ENOX1: variants seen among roughly 807,000 people sequenced by gnomAD.
ENOX1 encodes ecto-NOX disulfide-thiol exchanger 1.
ENOX1 carries 42 observed loss-of-function variants against 82.5 expected under a neutral mutation model. The ratio of observed to expected loss-of-function variants is 0.51; its 90% CI spans 0.40 to 0.66. The LOEUF is 0.66. Among genes scored for constraint, ENOX1 ranks in the 30% least tolerant of loss-of-function variants. The pLI is 0.00. For missense variants in ENOX1, 608 were observed against 811.6 expected (o/e 0.75, Z 3.05); for synonymous variants, 271 against 282.2 (o/e 0.96, Z 0.40).
chr13:43,371,098 C>G (rs187189610), intron 5 of ENOX1, among the ~76,000 whole-genome samples: 1 of 152,150 alleles, frequency 6.6e-6, no homozygotes, highest in Admixed American at 6.5e-5. Context: ...TCTTTCTGTA[C>G]GATGTTATGT....
chr13:43,612,970 A>C (rs1337969233), intron 2 of ENOX1, among the ~76,000 whole-genome samples: 1 of 152,170 alleles, frequency 6.6e-6, no homozygotes, highest in Non-Finnish European at 1.5e-5. Context: ...AACTGATCAA[A>C]AAATTTGATA....
rs745380845 is a variant in ENOX1 at position 43,344,785 on chromosome 13, C to T, written c.824-35G>A. The T allele has an allele frequency of 4.3e-5, 69 of 1,586,886 alleles. 1 individual carries two copies. The highest frequency in any genetic ancestry group is 5.7e-5 in the Non-Finnish European group (66 of 1,155,890). On this transcript the variant is annotated intron_variant, in intron 8 of 16. Transcript: ENST00000690772. ...GAAAACCACCAAGTACAAATCATGC[C>T]AAGATGAGAAAATACACTTTATTCT...
At chr13:43,561,224 G>A (rs2079652773) in intron 2 of ENOX1, among the ~76,000 whole-genome samples, 1 of 152,082 alleles carries the variant, frequency 6.6e-6, no homozygotes. Flanking sequence ...TGTAGTCTGT[G>A]TAGGACACCG....
At chr13:43,587,553 C>T (rs1398362556) in intron 2 of ENOX1, among the ~76,000 whole-genome samples, 1 of 152,142 alleles carries the variant, frequency 6.6e-6, no homozygotes, top group Non-Finnish European at 1.5e-5. Flanking sequence ...CTATAGAGTA[C>T]TTACATGTCA....
chr13:43,371,122 A>T (rs1410308770), intron 5 of ENOX1, among the ~76,000 whole-genome samples: 2 of 152,220 alleles, frequency 1.3e-5, no homozygotes, highest in East Asian at 3.8e-4. Context: ...TTTGTACAGC[A>T]GGACTGTTAT....
At chr13:43,618,797 A>C (rs1016568974) in intron 2 of ENOX1, among the ~76,000 whole-genome samples, 1 of 152,044 alleles carries the variant, frequency 6.6e-6, no homozygotes, top group African/African-American at 2.4e-5. Context: ...TTTGATGGGA[A>C]TTGCATTGAA....
chr13:43,538,053 C>T (rs2078541762), intron 2 of ENOX1, among the ~76,000 whole-genome samples: 2 of 152,202 alleles, frequency 1.3e-5, no homozygotes, highest in Admixed American at 1.3e-4. Flanking sequence ...TGTCACAGTG[C>T]TCTTAGCGCT....
At chr13:43,512,618 GT>G (rs35147827) in intron 2 of ENOX1, among the ~76,000 whole-genome samples, 37,246 of 137,000 alleles carry the variant, frequency 0.27, 5,807 homozygotes, top group African/African-American at 0.47. Context: ...ATGTGTGTGG[GT>G]TTTTTTTTTT....
rs74069512 is a variant in ENOX1, at chr13:43,478,676, T to G, written c.-75+5333A>C. Among the ~76,000 whole-genome samples, 1,358 of 152,304 alleles carry G rather than the reference T, an allele frequency of 8.9e-3. 14 individuals are homozygous for G. The highest frequency in any genetic ancestry group is 0.029 in the African/African-American group (1,215 of 41,562). On this transcript the variant is annotated intron_variant, in intron 3 of 16. Coordinates refer to ENST00000690772, the MANE Select transcript of ENOX1 (RefSeq NM_001347969.2). Reference sequence around the variant, plus strand: ...AGGACCCTTTAGTCCAGTTCTCATTTTCAACACTGTACTCACTGTGTGTAT... The same window carrying G: ...AGGACCCTTTAGTCCAGTTCTCATTGTCAACACTGTACTCACTGTGTGTAT...
chr13:43,707,106 T>C (rs893571819), intron 1 of ENOX1, among the ~76,000 whole-genome samples: 1 of 152,128 alleles, frequency 6.6e-6, no homozygotes, highest in African/African-American at 2.4e-5. Flanking sequence ...TCAACTCTAT[T>C]TCTATATACC....
chr13:43,685,005 T>C (rs2153799926), intron 1 of ENOX1, among the ~76,000 whole-genome samples: 1 of 152,328 alleles, frequency 6.6e-6, no homozygotes, highest in Non-Finnish European at 1.5e-5. Context: ...TTTTTAGAAA[T>C]TACTGTCCCT....
At chr13:43,711,134 TG>T (rs1159227117) in intron 1 of ENOX1, among the ~76,000 whole-genome samples, 2 of 144,392 alleles carry the variant, frequency 1.4e-5, no homozygotes, top group Non-Finnish European at 3.0e-5. Flanking sequence ...GTGTTCTCAT[TG>T]TTCAATTCCC....
chr13:43,681,002 AG>A (rs2085756220), intron 1 of ENOX1, among the ~76,000 whole-genome samples: 1 of 152,156 alleles, frequency 6.6e-6, no homozygotes. Context: ...GAGAGCAAAC[AG>A]GAGGTGCATT....
chr13:43,322,482 C>T lies in ENOX1; in HGVS notation c.1163G>A (p.Ser388Asn), dbSNP rs1220822674. The T allele has an allele frequency of 6.2e-7, 1 of 1,613,836 alleles. No homozygotes were observed. Among genetic ancestry groups the T allele is most frequent in the Non-Finnish European group, 8.5e-7 (1 of 1,179,856 alleles). ...KHSEELRNAQ[S>N]EQLMGIRREE... ...GCGGCGGATGCCCATGAGCTGCTCACTTTGAGCATTCCGGAGCTCCTGCAA... is the reference window on the plus strand; with the variant it reads ...GCGGCGGATGCCCATGAGCTGCTCATTTTGAGCATTCCGGAGCTCCTGCAA... Residue 388 changes from serine (S) to asparagine (N), a missense_variant, in exon 11 of 17, where the codon AGT becomes AAT. Coordinates refer to ENST00000690772, the MANE Select transcript of ENOX1 (RefSeq NM_001347969.2).
At chr13:43,740,087 A>G (rs892277340) in intron 1 of ENOX1, among the ~76,000 whole-genome samples, 1 of 152,188 alleles carries the variant, frequency 6.6e-6, no homozygotes, top group South Asian at 2.1e-4. Context: ...TAACTCCCAC[A>G]TTGTTGGAAG....
chr13:43,614,984 C>A (rs908743761), intron 2 of ENOX1, among the ~76,000 whole-genome samples: 1 of 151,918 alleles, frequency 6.6e-6, no homozygotes, highest in Admixed American at 6.6e-5. Flanking sequence ...GTTTGAGGAG[C>A]CTTGGTATAA....
At chr13:43,714,373 A>G (rs2087958831) in intron 1 of ENOX1, among the ~76,000 whole-genome samples, 1 of 152,152 alleles carries the variant, frequency 6.6e-6, no homozygotes, top group South Asian at 2.1e-4. Flanking sequence ...TGTGGTGCTG[A>G]AAAAAATGTA....
rs1039452679 is a variant in ENOX1 at position 43,741,744 on chromosome 13, G to A, written c.-285+44908C>T. On this transcript the variant is annotated intron_variant, in intron 1 of 16. Coordinates refer to ENST00000690772, the MANE Select transcript of ENOX1 (RefSeq NM_001347969.2). ...AAACACAGAATTATAAAATGTTGAC[G>A]AAGTCCAATTTATCTGTTTTTTGTT... Among the ~76,000 whole-genome samples, 7 of 152,178 alleles carry A rather than the reference G, an allele frequency of 4.6e-5. No individual in the cohort carries two copies. In the East Asian group the frequency reaches 5.8e-4, roughly 13 times the overall value.
At chr13:43,556,820 G>A (rs2079458595) in intron 2 of ENOX1, among the ~76,000 whole-genome samples, 1 of 151,944 alleles carries the variant, frequency 6.6e-6, no homozygotes. Flanking sequence ...TTATATAAAA[G>A]CTGATTGTCA....
Sources: gnomAD v4.1 joint callset for allele counts (sites outside exome capture counted in the v4.1 genomes callset) on GRCh38, gnomAD v4.1.1 for gene constraint, MANE v1.5 for transcripts, NCBI Gene and HGNC (gene_info 2026-07-23, HGNC 2026-07-21) for gene names.